ADGB: variants seen among roughly 807,000 people sequenced by gnomAD.
The protein encoded by ADGB is calpain-7-like protein.
ADGB carries 172 observed loss-of-function variants against 210.5 expected under a neutral mutation model. The ratio of observed to expected loss-of-function variants is 0.82; its 90% CI spans 0.72 to 0.93. ADGB has a LOEUF of 0.93. Ranked by LOEUF, ADGB falls within the 40% of genes least tolerant of loss-of-function variation. The probability of loss-of-function intolerance (pLI) is 0.00; values close to 1 mark genes in which losing one functional copy is unlikely to be tolerated. For synonymous variants in ADGB, 658 were observed against 662.7 expected (o/e 0.99, Z 0.11); for missense variants, 2,025 against 1,964.8 (o/e 1.03, Z -0.58).
At chr6:146,651,538 T>C (rs1327577692) in intron 3 of ADGB, among the ~76,000 whole-genome samples, 1 of 152,214 alleles carries the variant, frequency 6.6e-6, no homozygotes, top group African/African-American at 2.4e-5. Context: ...AGGCGAAACA[T>C]GTACCCGCGG....
At position 146,748,625 on chromosome 6, in the gene ADGB, C is replaced by T. The variant is rs529964676; in HGVS notation, c.3365+2516C>T. Among the ~76,000 whole-genome samples the T allele has an allele frequency of 5.3e-5, 8 of 152,278 alleles. No homozygotes were observed. In the South Asian group the frequency reaches 1.7e-3, roughly 32 times the overall value. On this transcript the variant is annotated intron_variant, in intron 26 of 35. Coordinates refer to ENST00000397944, the MANE Select transcript of ADGB (RefSeq NM_024694.4). ...TTCTTTAGAGACAATCTCACTTTGT[C>T]GCCCAGCTGGAGTTCAGTGGTGCAA...
At chr6:146,647,088 C>CAA (rs780260770) in intron 3 of ADGB, among the ~76,000 whole-genome samples, 6,278 of 107,870 alleles carry the variant, frequency 0.058, 395 homozygotes, top group Non-Finnish European at 0.086. Context: ...GAGCCTGTCT[C>CAA]AAAAAAAAAC....
chr6:146,781,628 C>A (rs1050530217), intron 29 of ADGB, among the ~76,000 whole-genome samples: 4 of 151,938 alleles, frequency 2.6e-5, no homozygotes, highest in African/African-American at 9.7e-5. Flanking sequence ...TGTGTCTAAA[C>A]CAATCAGAAG....
At chr6:146,733,383 T>A (rs1053917839) in intron 21 of ADGB, 128 bp downstream of exon 21, 2 of 955,668 alleles carry the variant, frequency 2.1e-6, no homozygotes, top group Admixed American at 3.6e-5. Flanking sequence ...CAAGCAGTGC[T>A]CTAAGAGCTC....
At chr6:146,749,626 G>C (rs553624411) in intron 26 of ADGB, among the ~76,000 whole-genome samples, 19 of 152,188 alleles carry the variant, frequency 1.2e-4, no homozygotes, top group African/African-American at 4.6e-4. Context: ...AGTAGCTTTA[G>C]CACCTGGTGT....
chr6:146,735,661 T>C (rs1777068973), intron 22 of ADGB, among the ~76,000 whole-genome samples: 1 of 152,224 alleles, frequency 6.6e-6, no homozygotes, highest in South Asian at 2.1e-4. Flanking sequence ...ATATATGTTG[T>C]AAAAATTTAC....
At chr6:146,746,220 A>G (rs1376150587) in intron 26 of ADGB, 111 bp downstream of exon 26, 4 of 752,596 alleles carry the variant, frequency 5.3e-6, no homozygotes, top group Admixed American at 2.9e-5. Context: ...TTCAAATTCC[A>G]TATTCTTTTT....
intron 12 of ADGB, among the ~76,000 whole-genome samples, chr6:146,700,379 T>C (rs1250086838): frequency 6.6e-6 from 1 of 152,200 alleles, no homozygotes; most frequent in African/African-American, 2.4e-5. Context: ...TGATGAAGTC[T>C]ATGTACATGG....
intron 29 of ADGB, among the ~76,000 whole-genome samples, chr6:146,775,844 TTC>T (rs942428476): frequency 4.0e-4 from 61 of 151,928 alleles, no homozygotes; most frequent in African/African-American, 1.2e-3. Context: ...AAAAAGACTT[TTC>T]TGTTTATATT....
At chr6:146,651,563 G>A (rs952687472) in intron 3 of ADGB, among the ~76,000 whole-genome samples, 3 of 152,182 alleles carry the variant, frequency 2.0e-5, no homozygotes, top group Non-Finnish European at 2.9e-5. Context: ...GGAGGATGCA[G>A]GTCTGCAAGT....
chr6:146,776,386 C>CATT (rs1312309557), intron 29 of ADGB, among the ~76,000 whole-genome samples: 1 of 151,814 alleles, frequency 6.6e-6, no homozygotes, highest in Non-Finnish European at 1.5e-5. Context: ...ATTAGTTCAA[C>CATT]ATTATACTAA....
intron 10 of ADGB, among the ~76,000 whole-genome samples, chr6:146,686,602 A>G (rs1776237401): frequency 6.6e-6 from 1 of 152,112 alleles, no homozygotes; most frequent in South Asian, 2.1e-4. Flanking sequence ...ATGCATTTTC[A>G]TAATTTTTAA....
intron 1 of ADGB, among the ~76,000 whole-genome samples, chr6:146,602,940 AG>A (rs1780581412): frequency 6.6e-6 from 1 of 152,180 alleles, no homozygotes; most frequent in Non-Finnish European, 1.5e-5. Flanking sequence ...GGTGCCAAAA[AG>A]GTTGGGGATG....
chr6:146,663,731 A>T (rs1407827946), intron 5 of ADGB, among the ~76,000 whole-genome samples: 5 of 152,124 alleles, frequency 3.3e-5, no homozygotes, highest in African/African-American at 1.2e-4. Context: ...CAAGAAATTA[A>T]TTAGGAGCAG....
chr6:146,699,808 TA>T (rs796740945), intron 12 of ADGB, among the ~76,000 whole-genome samples: 3 of 152,298 alleles, frequency 2.0e-5, no homozygotes, highest in Admixed American at 6.5e-5. Context: ...ACAATTTGAA[TA>T]GTCATAGCCA....
chr6:146,741,638 TG>T (rs1263719576), intron 25 of ADGB, among the ~76,000 whole-genome samples: 1 of 152,168 alleles, frequency 6.6e-6, no homozygotes, highest in Non-Finnish European at 1.5e-5. Flanking sequence ...TGTTTCCCAC[TG>T]GGTTTTTATT....
intron 1 of ADGB, among the ~76,000 whole-genome samples, chr6:146,627,807 T>G (rs1025450147): frequency 6.6e-6 from 1 of 152,130 alleles, no homozygotes; most frequent in African/African-American, 2.4e-5. Context: ...CCCCAAACAC[T>G]CATCTCCTTC....
intron 23 of ADGB, among the ~76,000 whole-genome samples, chr6:146,737,329 AG>A (rs1305831949): frequency 1.3e-5 from 2 of 152,228 alleles, no homozygotes; most frequent in African/African-American, 4.8e-5. Context: ...GATTAGGCAT[AG>A]TAGAAGAAGA....
In ADGB at chr6:146,739,945, A is replaced by T. The variant is rs973236712; in HGVS notation, c.2889-514A>T. Among the ~76,000 whole-genome samples, 4 of 152,186 alleles carry T rather than the reference A, an allele frequency of 2.6e-5. No individual in the cohort carries two copies. In the South Asian group the frequency reaches 8.3e-4, roughly 32 times the overall value. On this transcript the variant is annotated intron_variant, in intron 23 of 35. Coordinates refer to ENST00000397944, the MANE Select transcript of ADGB (RefSeq NM_024694.4). The stretch of plus-strand genomic sequence containing the variant: ...TTAGCAGTGTATGCTCTACTCCCTT[A>T]TACACTCAGAAATCATGCAGGAGGA...
Sources: gnomAD v4.1 joint callset for allele counts (sites outside exome capture counted in the v4.1 genomes callset) on GRCh38, gnomAD v4.1.1 for gene constraint, MANE v1.5 for transcripts, NCBI Gene and HGNC (gene_info 2026-07-23, HGNC 2026-07-21) for gene names.